Variants in SLC4A4 observed in about 807,000 individuals in gnomAD.
SLC4A4 encodes the protein electrogenic sodium bicarbonate cotransporter 1.
Under a neutral mutation model 111.5 loss-of-function variants are expected in SLC4A4, and 27 were observed. The observed-to-expected ratio is 0.24, with a 90% CI of 0.18 to 0.33. The LOEUF (loss-of-function observed/expected upper bound fraction) is 0.33, where lower values mean the gene tolerates loss of function less well. SLC4A4 is among the 10% of genes least tolerant of loss of function. The pLI, the probability that SLC4A4 is intolerant of heterozygous loss-of-function variation, is 1.00. For synonymous variants in SLC4A4, 443 were observed against 463.4 expected (o/e 0.96, Z 0.57); for missense variants, 909 against 1,315.5 (o/e 0.69, Z 4.78).
intron 1 of SLC4A4, among the ~76,000 whole-genome samples, chr4:71,193,372 G>T (rs1330319960): frequency 2.0e-5 from 3 of 152,176 alleles, no homozygotes; most frequent in Non-Finnish European, 2.9e-5. Flanking sequence ...TGTTAGCCAG[G>T]ATGGTCTCGA....
At chr4:71,105,401 C>T (rs1367088280) in intron 2 of SLC4A4, among the ~76,000 whole-genome samples, 7 of 150,384 alleles carry the variant, frequency 4.7e-5, no homozygotes, top group African/African-American at 1.7e-4. Flanking sequence ...TGACTTTCTT[C>T]ACAGAATTGG....
chr4:71,161,626 G>T (rs560784734), intron 2 of SLC4A4, among the ~76,000 whole-genome samples: 1 of 152,242 alleles, frequency 6.6e-6, no homozygotes, highest in East Asian at 1.9e-4. Flanking sequence ...TATGTTTTGT[G>T]AACTGCTGTT....
chr4:71,445,858 G>T (rs185753048), intron 8 of SLC4A4, among the ~76,000 whole-genome samples: 1 of 152,136 alleles, frequency 6.6e-6, no homozygotes, highest in Non-Finnish European at 1.5e-5. Flanking sequence ...AATACTATAC[G>T]TAGTGGCATA....
intron 2 of SLC4A4, among the ~76,000 whole-genome samples, chr4:71,101,681 G>A (rs958533080): frequency 1.3e-5 from 2 of 151,738 alleles, no homozygotes. Flanking sequence ...CACATGGCAG[G>A]GTATTCCAAC....
intron 7 of SLC4A4, among the ~76,000 whole-genome samples, chr4:71,402,725 A>G (rs1405349907): frequency 6.6e-6 from 1 of 152,184 alleles, no homozygotes; most frequent in Non-Finnish European, 1.5e-5. Context: ...TTTGGTGAGC[A>G]TCTCTCTGGC....
At chr4:71,188,400 A>G (rs1396144136) in intron 1 of SLC4A4, among the ~76,000 whole-genome samples, 9 of 152,126 alleles carry the variant, frequency 5.9e-5, no homozygotes, top group Non-Finnish European at 7.3e-5. Flanking sequence ...GACACTGAAG[A>G]GCAGCGACCC....
chr4:71,146,792 C>G (rs1352576367), intron 2 of SLC4A4, among the ~76,000 whole-genome samples: 1 of 152,148 alleles, frequency 6.6e-6, no homozygotes, highest in African/African-American at 2.4e-5. Flanking sequence ...ACATGCCAAA[C>G]TGTAACGACC....
chr4:71,419,593 T>C (rs1188767510), intron 7 of SLC4A4, among the ~76,000 whole-genome samples: 1 of 152,222 alleles, frequency 6.6e-6, no homozygotes, highest in Non-Finnish European at 1.5e-5. Flanking sequence ...CCAGGTGCTG[T>C]CTGTCACTCC....
At chr4:71,108,337 G>A (rs1743000002) in intron 2 of SLC4A4, among the ~76,000 whole-genome samples, 1 of 152,080 alleles carries the variant, frequency 6.6e-6, no homozygotes. Flanking sequence ...GGCAATTCTA[G>A]TGCCTCAATT....
chr4:71,441,424 G>A (rs1724700026), intron 8 of SLC4A4, among the ~76,000 whole-genome samples: 2 of 151,688 alleles, frequency 1.3e-5, no homozygotes, highest in South Asian at 2.1e-4. Context: ...AGAAGTTAAT[G>A]TTTCACTTAA....
intron 1 of SLC4A4, among the ~76,000 whole-genome samples, chr4:71,206,093 G>A (rs1717748336): frequency 6.6e-6 from 1 of 152,138 alleles, no homozygotes; most frequent in Non-Finnish European, 1.5e-5. Context: ...CTTTCCATAA[G>A]CAAAGTAGTT....
At chr4:71,424,854 G>T (rs1311829136) in intron 7 of SLC4A4, among the ~76,000 whole-genome samples, 2 of 152,018 alleles carry the variant, frequency 1.3e-5, no homozygotes, top group South Asian at 2.1e-4. Context: ...AGTGGCGGGG[G>T]AGGGAGGGAT....
chr4:71,158,650 G>A (rs1193707377), intron 2 of SLC4A4, among the ~76,000 whole-genome samples: 1 of 152,126 alleles, frequency 6.6e-6, no homozygotes, highest in Non-Finnish European at 1.5e-5. Flanking sequence ...CTTTGAGCAG[G>A]GTATTTGGTG....
intron 3 of SLC4A4, among the ~76,000 whole-genome samples, chr4:71,328,510 G>T (rs1727686240): frequency 6.6e-6 from 1 of 151,936 alleles, no homozygotes; most frequent in African/African-American, 2.4e-5. Context: ...TTGGATAAAA[G>T]CCATTTTAAC....
At chr4:71,106,925 AAAAT>A (rs759756657) in intron 2 of SLC4A4, among the ~76,000 whole-genome samples, 12 of 151,010 alleles carry the variant, frequency 7.9e-5, no homozygotes, top group Non-Finnish European at 1.5e-4. Context: ...AAGTATAATA[AAAAT>A]AAATAAATAA....
In SLC4A4 at chr4:71,115,102, C is replaced by G. The variant is rs551040034; in HGVS notation, c.-2+22310C>G. 3.9e-3 allele frequency among the ~76,000 whole-genome samples: 575 copies of G among 148,266 alleles called. 1 individual carries two copies. Among genetic ancestry groups the G allele is most frequent in the Non-Finnish European group, 6.6e-3 (447 of 67,364 alleles). On this transcript the variant is annotated intron_variant, in intron 2 of 26. Transcript: ENST00000649996. ...ATCGCAAGAACAAAAAACCAAACACCGCATATTCTCCCTCATAGGTGGGAA... is the reference window on the plus strand; with the variant it reads ...ATCGCAAGAACAAAAAACCAAACACGGCATATTCTCCCTCATAGGTGGGAA...
chr4:71,482,571 GT>G (rs1173515467), intron 14 of SLC4A4, among the ~76,000 whole-genome samples: 1 of 151,510 alleles, frequency 6.6e-6, no homozygotes, highest in Non-Finnish European at 1.5e-5. Flanking sequence ...TTTACTCCTT[GT>G]TTTTATGCAG....
chr4:71,082,430 C>G (rs1200082605), intron 1 of SLC4A4, among the ~76,000 whole-genome samples: 2 of 152,012 alleles, frequency 1.3e-5, no homozygotes, highest in Non-Finnish European at 2.9e-5. Flanking sequence ...TTCCCCCTCC[C>G]TTGCCTGCCT....
chr4:71,340,222 T>A lies in SLC4A4; in HGVS notation c.389+717T>A, dbSNP rs1477195646. Reference sequence around the variant, plus strand: ...CTGGGTGACAGATTGAAACCCTGCCTCAAAAAATTAAATGAAATAAAAAAG... The same window carrying A: ...CTGGGTGACAGATTGAAACCCTGCCACAAAAAATTAAATGAAATAAAAAAG... On this transcript the variant is annotated intron_variant, in intron 4 of 25. Coordinates refer to ENST00000264485, the MANE Select transcript of SLC4A4 (RefSeq NM_001098484.3). 2.0e-5 allele frequency among the ~76,000 whole-genome samples: 3 copies of A among 152,028 alleles called. No individual in the cohort carries two copies. In the East Asian group the frequency reaches 5.8e-4, roughly 29 times the overall value.
Sources: allele counts gnomAD v4.1 joint callset (sites outside exome capture counted in the v4.1 genomes callset), GRCh38; gene constraint gnomAD v4.1.1; transcripts MANE v1.5; gene names NCBI Gene and HGNC (gene_info 2026-07-23, HGNC 2026-07-21).